The following AVL9 variants were observed in gnomAD, a reference collection of about 807,000 sequenced individuals.
AVL9 encodes the protein late secretory pathway protein AVL9 homolog.
AVL9 carries 49 observed loss-of-function variants against 79.2 expected under a neutral mutation model. The ratio of observed to expected loss-of-function variants is 0.62; its 90% CI spans 0.49 to 0.79. AVL9 has a LOEUF of 0.79. Among genes scored for constraint, AVL9 ranks in the 30% least tolerant of loss-of-function variants. The probability of loss-of-function intolerance (pLI) is 0.00; values close to 1 mark genes in which losing one functional copy is unlikely to be tolerated. For missense variants in AVL9, 682 were observed against 776.8 expected (o/e 0.88, Z 1.45); for synonymous variants, 299 against 280.6 (o/e 1.07, Z -0.65).
At chr7:32,551,605 C>CTTTTTCTTTTTT (rs1789824654) in intron 5 of AVL9, among the ~76,000 whole-genome samples, 182 bp downstream of exon 5, 1 of 93,780 alleles carries the variant, frequency 1.1e-5, no homozygotes, top group Non-Finnish European at 1.9e-5. Context: ...TTTAACCAAA[C>CTTTTTCTTTTTT]TTTTTTTTTT....
chr7:32,551,798 C>A (rs7784391), intron 5 of AVL9, among the ~76,000 whole-genome samples: 1,766 of 151,966 alleles, frequency 0.012, 35 homozygotes, highest in African/African-American at 0.04. Flanking sequence ...ATCAGAAAAA[C>A]CACATGATTA....
At chr7:32,544,570 A>G (rs1721999337) in intron 2 of AVL9, 124 bp from the exon 3 acceptor site, 3 of 664,282 alleles carry the variant, frequency 4.5e-6, no homozygotes, top group Non-Finnish European at 7.6e-6. Flanking sequence ...AATAAGTATG[A>G]TTTGGATTCC....
chr7:32,541,367 A>G (rs1275446489), intron 1 of AVL9, among the ~76,000 whole-genome samples: 1 of 152,158 alleles, frequency 6.6e-6, no homozygotes, highest in Non-Finnish European at 1.5e-5. Flanking sequence ...TCAAAATTTA[A>G]TGATTTTCAA....
At position 32,542,571 on chromosome 7, in the gene AVL9, AAAG is replaced by A. The variant is rs756374469; in HGVS notation, c.94-564_94-562del. ...ACTGTCTCAAAAAGAAAAAAGAAAA[AAAG>A]AAGAAACAATCATGAATTTTAAATT... On this transcript the variant is annotated intron_variant, in intron 1 of 15. Transcript: ENST00000318709. Among the ~76,000 whole-genome samples, 6 of 152,216 alleles carry A rather than the reference AAAG, an allele frequency of 3.9e-5. 1 individual carries two copies. In the South Asian group the frequency reaches 1.0e-3, roughly 26 times the overall value.
chr7:32,580,965 AAAAC>A, intron 15 of AVL9, 75 bp downstream of exon 15: 1 of 1,099,606 alleles, frequency 9.1e-7, no homozygotes, highest in South Asian at 1.4e-5. Context: ...TGTAATTGAT[AAAAC>A]AAACATAAAG....
At chr7:32,580,362 T>C in intron 14 of AVL9, 90 bp downstream of exon 14, 1 of 1,018,076 alleles carries the variant, frequency 9.8e-7, no homozygotes, top group Non-Finnish European at 1.5e-6. Context: ...TTTTCTCTAC[T>C]TGATAGACTT....
intron 1 of AVL9, among the ~76,000 whole-genome samples, chr7:32,528,653 G>A (rs937258320): frequency 2.0e-5 from 3 of 152,054 alleles, no homozygotes; most frequent in Admixed American, 6.6e-5. Context: ...AAAAGAAACT[G>A]CTTCTGGATT....
At chr7:32,499,839 A>G (rs1787037088) in intron 1 of AVL9, among the ~76,000 whole-genome samples, 2 of 152,158 alleles carry the variant, frequency 1.3e-5, no homozygotes, top group Admixed American at 6.5e-5. Flanking sequence ...GAGTGAGAAC[A>G]TGTGGTGTTT....
chr7:32,497,101 A>G (rs574611576), intron 1 of AVL9, among the ~76,000 whole-genome samples: 1 of 134,234 alleles, frequency 7.4e-6, no homozygotes, highest in African/African-American at 2.9e-5. Flanking sequence ...CCCTGTCTCA[A>G]TCCCAGCACT....
At chr7:32,550,237 A>C (rs1346215002) in intron 4 of AVL9, among the ~76,000 whole-genome samples, 1 of 152,194 alleles carries the variant, frequency 6.6e-6, no homozygotes, top group Non-Finnish European at 1.5e-5. Flanking sequence ...GACACTTTTT[A>C]TATGTAATTG....
chr7:32,579,389 T>TTA (rs5883362), intron 13 of AVL9, among the ~76,000 whole-genome samples: 3,865 of 6,340 alleles, frequency 0.61, 1,660 homozygotes, highest in Middle Eastern at 0.82. Flanking sequence ...ATATAACATA[T>TTA]TATATGTTAT....
At position 32,587,545 on chromosome 7, in the gene AVL9, C is replaced by T. The variant is rs919854745; in HGVS notation, c.*3638C>T. On this transcript the variant is annotated 3_prime_UTR_variant, in exon 16 of 16. Coordinates refer to ENST00000318709, the MANE Select transcript of AVL9 (RefSeq NM_015060.3). The stretch of plus-strand genomic sequence containing the variant: ...CTGCGTCAGCAGTTGCAGAAAGTAG[C>T]CTGTTAGGACAGCAGCTGCTAAGCG... The T allele has an allele frequency of 6.6e-6, 1 of 152,216 alleles. No homozygotes were observed. Among genetic ancestry groups the T allele is most frequent in the Admixed American group, 6.5e-5 (1 of 15,290 alleles). 9.4% of individuals were successfully genotyped at this position (152,216 alleles called of 1,614,324 possible).
chr7:32,535,206 T>C (rs1788842132), intron 1 of AVL9: 1 of 152,214 alleles, frequency 6.6e-6, no homozygotes, highest in South Asian at 2.1e-4. Flanking sequence ...TGTCCTGAAC[T>C]CTACAGTTGG....
At chr7:32,553,855 C>T in intron 7 of AVL9, 88 bp downstream of exon 7, 1 of 917,964 alleles carries the variant, frequency 1.1e-6, no homozygotes. Flanking sequence ...CTGCCAAATT[C>T]AGTGTGCTAA....
intron 10 of AVL9, among the ~76,000 whole-genome samples, chr7:32,567,865 T>C (rs1277642074): frequency 1.3e-5 from 2 of 151,322 alleles, no homozygotes; most frequent in Admixed American, 6.6e-5. Flanking sequence ...TTACAGGCAC[T>C]CGCCACCACA....
intron 1 of AVL9, 56 bp downstream of exon 1, chr7:32,495,858 G>C (rs1303678682): frequency 7.9e-6 from 9 of 1,132,636 alleles, no homozygotes; most frequent in African/African-American, 1.6e-5. Flanking sequence ...CCCTTCCGGG[G>C]CCCCCCTGCC....
At chr7:32,557,548 G>A (rs1790121416) in intron 8 of AVL9, among the ~76,000 whole-genome samples, 1 of 152,100 alleles carries the variant, frequency 6.6e-6, no homozygotes, top group Non-Finnish European at 1.5e-5. Context: ...GTTGTGGCTA[G>A]TTTCAGATTA....
chr7:32,508,560 T>A (rs1348750518), intron 1 of AVL9, among the ~76,000 whole-genome samples: 1 of 152,260 alleles, frequency 6.6e-6, no homozygotes, highest in Non-Finnish European at 1.5e-5. Flanking sequence ...ACATCTCGAA[T>A]GTTCAGTATC....
intron 4 of AVL9, 111 bp downstream of exon 4, chr7:32,549,029 T>G: frequency 1.6e-6 from 1 of 612,598 alleles, no homozygotes. Context: ...TTAAAATTAT[T>G]TATGCCCTAG....
Sources: allele counts gnomAD v4.1 joint callset (sites outside exome capture counted in the v4.1 genomes callset), GRCh38; gene constraint gnomAD v4.1.1; transcripts MANE v1.5; gene names NCBI Gene and HGNC (gene_info 2026-07-23, HGNC 2026-07-21).